The following ANKHD1 variants were observed in gnomAD, a reference collection of about 807,000 sequenced individuals.
ANKHD1 encodes ankyrin repeat and KH domain containing 1.
A neutral mutation model predicts 230.5 loss-of-function variants in ANKHD1; 31 were observed. That is an observed-to-expected ratio of 0.13 (90% CI 0.10 to 0.18). The LOEUF is 0.18. Among genes scored for constraint, ANKHD1 ranks in the 10% least tolerant of loss-of-function variants. The probability of loss-of-function intolerance (pLI) is 1.00; values close to 1 mark genes in which losing one functional copy is unlikely to be tolerated. For missense variants in ANKHD1, 2,256 were observed against 3,071.3 expected (o/e 0.73, Z 6.27); for synonymous variants, 1,074 against 1,117.6 (o/e 0.96, Z 0.78).
At chr5:140,517,921 G>A (rs1246223282) in intron 24 of ANKHD1, among the ~76,000 whole-genome samples, 1 of 150,574 alleles carries the variant, frequency 6.6e-6, no homozygotes. Flanking sequence ...GCTAGCAGAA[G>A]GCAAGAAATA....
At chr5:140,501,104 T>G (rs943281664) in intron 15 of ANKHD1, among the ~76,000 whole-genome samples, 1 of 150,382 alleles carries the variant, frequency 6.6e-6, no homozygotes, top group Non-Finnish European at 1.5e-5. Flanking sequence ...TTTTTGTTTT[T>G]TTTTTTTTTT....
intron 10 of ANKHD1, among the ~76,000 whole-genome samples, chr5:140,474,338 C>T (rs76376634): frequency 0.065 from 9,851 of 152,182 alleles, 333 homozygotes; most frequent in Middle Eastern, 0.13. Flanking sequence ...AACAGTCTCC[C>T]TCCTTTTCTC....
intron 14 of ANKHD1, among the ~76,000 whole-genome samples, chr5:140,495,285 T>C (rs906248620): frequency 6.7e-6 from 1 of 148,978 alleles, no homozygotes; most frequent in African/African-American, 2.5e-5. Context: ...AGTCTCGCTC[T>C]CTCAGGCTGG....
At chr5:140,497,977 A>G (rs1752113908) in intron 15 of ANKHD1, 1 of 152,112 alleles carries the variant, frequency 6.6e-6, no homozygotes, top group Non-Finnish European at 1.5e-5. Flanking sequence ...TTGTGTGGAA[A>G]ATTACAACTA....
At position 140,467,132 on chromosome 5, in the gene ANKHD1, C is replaced by G. The variant is rs555757638; in HGVS notation, c.1782+2356C>G. Reference sequence around the variant, plus strand: ...ATGTGTTCTTGTGTTCTATCATAATCTTTACCATATTACTATATAGTCTCT... The same window carrying G: ...ATGTGTTCTTGTGTTCTATCATAATGTTTACCATATTACTATATAGTCTCT... On this transcript the variant is annotated intron_variant, in intron 10 of 33. Transcript: ENST00000360839. 1.8e-4 allele frequency among the ~76,000 whole-genome samples: 27 copies of G among 151,988 alleles called. No homozygotes were observed. The East Asian group carries it at 5.0e-3, about 28-fold the overall frequency.
At chr5:140,514,051 G>A (rs527489391) in intron 24 of ANKHD1, among the ~76,000 whole-genome samples, 13 of 151,814 alleles carry the variant, frequency 8.6e-5, no homozygotes, top group African/African-American at 3.1e-4. Flanking sequence ...TGGGCATGGT[G>A]GTACATGCCT....
chr5:140,492,019 C>A (rs563974525), intron 14 of ANKHD1, among the ~76,000 whole-genome samples: 1 of 152,096 alleles, frequency 6.6e-6, no homozygotes, highest in Admixed American at 6.5e-5. Context: ...AAAACAGAAG[C>A]GTAAATGTAA....
chr5:140,503,684 C>A (rs940681206), intron 15 of ANKHD1, among the ~76,000 whole-genome samples: 1 of 148,530 alleles, frequency 6.7e-6, no homozygotes, highest in East Asian at 2.1e-4. Flanking sequence ...TCTCCTGGCT[C>A]AGCCTCCCGA....
At chr5:140,472,666 G>A (rs1031596125) in intron 10 of ANKHD1, among the ~76,000 whole-genome samples, 9 of 152,170 alleles carry the variant, frequency 5.9e-5, no homozygotes, top group African/African-American at 1.9e-4. Flanking sequence ...GAAACTCAGA[G>A]TGATATTAAT....
At chr5:140,430,612 A>G (rs1159739486) in intron 1 of ANKHD1, among the ~76,000 whole-genome samples, 1 of 150,286 alleles carries the variant, frequency 6.7e-6, no homozygotes, top group Non-Finnish European at 1.5e-5. Flanking sequence ...AGAATTTGTC[A>G]TATTTAACAT....
chr5:140,505,077 A>G (rs755770112), intron 16 of ANKHD1, 45 bp from the exon 17 acceptor site: 1 of 1,602,454 alleles, frequency 6.2e-7, no homozygotes, highest in Non-Finnish European at 8.5e-7. Context: ...TTAAATTGAT[A>G]ACTTCTGTTA....
intron 26 of ANKHD1, 59 bp downstream of exon 26, chr5:140,526,502 A>C: frequency 1.3e-6 from 2 of 1,528,494 alleles, no homozygotes; most frequent in Non-Finnish European, 1.8e-6. Flanking sequence ...GCCTGGTACA[A>C]GAATTTGAAG....
At chr5:140,452,911 A>G (rs565230011) in intron 7 of ANKHD1, among the ~76,000 whole-genome samples, 76 of 152,314 alleles carry the variant, frequency 5.0e-4, no homozygotes, top group East Asian at 2.1e-3. Context: ...CAGACAATCA[A>G]ACTTCTCTGA....
At chr5:140,532,965 G>A in intron 29 of ANKHD1, 1 of 255,850 alleles carries the variant, frequency 3.9e-6, no homozygotes, top group South Asian at 3.1e-5. Context: ...AGGCATGGTG[G>A]TGGGTGCCTG....
intron 24 of ANKHD1, 142 bp downstream of exon 24, chr5:140,513,621 T>C (rs959930413): frequency 8.4e-6 from 6 of 716,082 alleles, no homozygotes; most frequent in African/African-American, 1.8e-5. Context: ...CCAGCCTTGC[T>C]AACAAGGTGA....
chr5:140,475,329 C>A (rs937569601), intron 10 of ANKHD1, among the ~76,000 whole-genome samples: 1 of 152,100 alleles, frequency 6.6e-6, no homozygotes, highest in Non-Finnish European at 1.5e-5. Context: ...TAAAAAAATA[C>A]ACAATGGGGG....
At chr5:140,514,435 A>G (rs886672517) in intron 24 of ANKHD1, among the ~76,000 whole-genome samples, 1 of 152,064 alleles carries the variant, frequency 6.6e-6, no homozygotes, top group African/African-American at 2.4e-5. Flanking sequence ...CAGAGGTTGC[A>G]GTGACCTGTG....
chr5:140,537,755 A>G (rs1754146148), intron 31 of ANKHD1, 166 bp downstream of exon 31: 1 of 1,115,332 alleles, frequency 9.0e-7, no homozygotes, highest in Non-Finnish European at 1.2e-6. Context: ...GTCCAATTTC[A>G]GAGTCTGGAA....
intron 15 of ANKHD1, among the ~76,000 whole-genome samples, chr5:140,503,715 G>A (rs1045309022): frequency 1.3e-5 from 2 of 151,230 alleles, no homozygotes; most frequent in East Asian, 1.9e-4. Context: ...TTACAGGCGC[G>A]TTCCACCACT....
Sources: allele counts gnomAD v4.1 joint callset (sites outside exome capture counted in the v4.1 genomes callset), GRCh38; gene constraint gnomAD v4.1.1; transcripts MANE v1.5; gene names NCBI Gene and HGNC (gene_info 2026-07-23, HGNC 2026-07-21).